Variants in NUP98 observed in about 807,000 individuals in gnomAD.
NUP98 encodes nucleoporin 98 and 96 precursor, also known as nuclear pore complex protein Nup98-Nup96.
A neutral mutation model predicts 191.9 loss-of-function variants in NUP98; 26 were observed. That is an observed-to-expected ratio of 0.14 (90% CI 0.10 to 0.19). NUP98 has a LOEUF of 0.19. Ranked by LOEUF, NUP98 falls within the 10% of genes least tolerant of loss-of-function variation. NUP98 has a pLI of 1.00. For synonymous variants in NUP98, 808 were observed against 778.4 expected (o/e 1.04, Z -0.63); for missense variants, 1,941 against 2,178.8 (o/e 0.89, Z 2.17).
chr11:3,759,792 A>C (rs1445390445), intron 10 of NUP98, among the ~76,000 whole-genome samples: 1 of 152,062 alleles, frequency 6.6e-6, no homozygotes, highest in East Asian at 1.9e-4. Context: ...ACTACTGAAT[A>C]ATCCCCCAAA....
intron 9 of NUP98, among the ~76,000 whole-genome samples, chr11:3,762,162 T>C (rs2081194619): frequency 6.6e-6 from 1 of 152,066 alleles, no homozygotes; most frequent in African/African-American, 2.4e-5. Context: ...CAGGCTAGAG[T>C]GCAATAGCGC....
chr11:3,728,822 G>A (rs765585427), intron 14 of NUP98, among the ~76,000 whole-genome samples: 1 of 152,204 alleles, frequency 6.6e-6, no homozygotes, highest in Non-Finnish European at 1.5e-5. Context: ...GTGGTGGCTT[G>A]CACTAGGGTA....
Position 3,676,609 on chromosome 11 carries a change from T to C in NUP98, c.5085A>G (p.Ser1695=). 1.2e-6 allele frequency: 2 copies of C among 1,612,650 alleles called. No individual in the cohort carries two copies. Among genetic ancestry groups the C allele is most frequent in the Non-Finnish European group, 1.7e-6 (2 of 1,178,622 alleles). Residue 1695 remains serine (S), a synonymous_variant, in exon 32 of 33, where the codon TCA becomes TCG. Transcript: ENST00000324932. ...MLRHIQQVDC[S]GNDLEQLHIK... is the part of the protein sequence containing the mutation. ...TGTGTAACTGCTCCAGGTCATTACC[T>C]GAGCAATCCACCTACAAAGAAGCAG...
intron 2 of NUP98, 48 bp from the exon 3 acceptor site, chr11:3,779,305 C>A: frequency 2.2e-6 from 3 of 1,354,156 alleles, no homozygotes; most frequent in Non-Finnish European, 3.2e-6. Flanking sequence ...ATAAAATCTA[C>A]GTAAGATGAC....
At chr11:3,694,216 C>T (rs1564812101) in intron 26 of NUP98, among the ~76,000 whole-genome samples, 1 of 151,638 alleles carries the variant, frequency 6.6e-6, no homozygotes, top group Non-Finnish European at 1.5e-5. Flanking sequence ...ACTAAAAATA[C>T]AAAAATTAGC....
intron 1 of NUP98, among the ~76,000 whole-genome samples, chr11:3,792,185 A>C (rs2133990640): frequency 1.3e-5 from 1 of 77,802 alleles, no homozygotes; most frequent in African/African-American, 7.4e-5. Flanking sequence ...TCTCAAAAAA[A>C]AAAAAAAAAA....
At chr11:3,757,470 G>A (rs980803052) in intron 10 of NUP98, among the ~76,000 whole-genome samples, 6 of 150,500 alleles carry the variant, frequency 4.0e-5, no homozygotes, top group Non-Finnish European at 1.5e-5. Context: ...CTGGGAGACA[G>A]AGATCCTGTC....
chr11:3,739,889 G>A (rs1362777354), intron 12 of NUP98, among the ~76,000 whole-genome samples: 1 of 152,152 alleles, frequency 6.6e-6, no homozygotes, highest in African/African-American at 2.4e-5. Context: ...CCACCCCTGA[G>A]AGAGCAAGAC....
chr11:3,775,327 C>T (rs1274158020), intron 5 of NUP98, among the ~76,000 whole-genome samples: 2 of 152,006 alleles, frequency 1.3e-5, no homozygotes, highest in East Asian at 1.9e-4. Context: ...GTCAGCAGTT[C>T]GAGACCAGCC....
chr11:3,676,509 C>T lies in NUP98; in HGVS notation c.5185G>A (p.Asp1729Asn), dbSNP rs774427808. 2 of 1,613,514 alleles carry T rather than the reference C, an allele frequency of 1.2e-6. No individual in the cohort carries two copies. The highest frequency in any genetic ancestry group is 2.7e-5 in the African/African-American group (2 of 74,904). ...AAGAGTGAGGAGGTTAGAGGCTTAC[C>T]TGACTGAGCCAGGCGATCTTTAGCA... ...YSAKDRLAQS[D>N]MAKRVANLLR... Residue 1729 changes from aspartate (D) to asparagine (N), a missense_variant and splice_region_variant, in exon 32 of 33, where the codon GAC becomes AAC. Physicochemically the swap from Asp to Asn is conservative, Grantham distance 23. Transcript: ENST00000324932.
intron 12 of NUP98, among the ~76,000 whole-genome samples, chr11:3,740,604 T>C (rs146458513): frequency 6.6e-6 from 1 of 151,956 alleles, no homozygotes; most frequent in East Asian, 1.9e-4. Context: ...GGTCAAAGTA[T>C]GCCTTTCTCT....
intron 28 of NUP98, among the ~76,000 whole-genome samples, chr11:3,689,308 C>T (rs1325104646): frequency 6.6e-6 from 1 of 152,036 alleles, no homozygotes; most frequent in African/African-American, 2.4e-5. Flanking sequence ...GGGCAGATCA[C>T]GAGGTCAGGA....
intron 13 of NUP98, among the ~76,000 whole-genome samples, chr11:3,733,872 A>G (rs1377125620): frequency 6.6e-6 from 1 of 152,182 alleles, no homozygotes; most frequent in Non-Finnish European, 1.5e-5. Context: ...TATCCTCAGC[A>G]CTTAACAACA....
At chr11:3,772,231 C>T (rs1048814495) in intron 6 of NUP98, among the ~76,000 whole-genome samples, 1 of 151,968 alleles carries the variant, frequency 6.6e-6, no homozygotes, top group African/African-American at 2.4e-5. Flanking sequence ...TCTCCCCAGC[C>T]CTAAAATATA....
chr11:3,709,491 C>T (rs1399688248), intron 20 of NUP98, among the ~76,000 whole-genome samples: 3 of 151,844 alleles, frequency 2.0e-5, no homozygotes, highest in African/African-American at 4.8e-5. Context: ...ACTCATTCGG[C>T]CAAGAATCTG....
rs144936005 is a variant in NUP98 at position 3,746,294 on chromosome 11, A to AAAAAAAAAG, written c.1268-1646_1268-1645insCTTTTTTTT. On this transcript the variant is annotated intron_variant, in intron 11 of 32. Coordinates refer to ENST00000324932, the MANE Select transcript of NUP98 (RefSeq NM_016320.5). Reference sequence around the variant, plus strand: ...CAAAAAAAAAAAAAAAAAAAAAAAAAGACAGCTTTGGGACAAAGAATAAGA... The same window carrying AAAAAAAAAG: ...CAAAAAAAAAAAAAAAAAAAAAAAAAAAAAAAAAGGACAGCTTTGGGACAAAGAATAAGA... Among the ~76,000 whole-genome samples, 156 of 93,026 alleles carry AAAAAAAAAG rather than the reference A, an allele frequency of 1.7e-3. 27 individuals carry two copies. The highest frequency in any genetic ancestry group is 5.5e-3 in the African/African-American group (109 of 19,928). 61.0% of individuals were successfully genotyped at this position (93,026 alleles called of 152,430 possible).
chr11:3,721,923 T>G (rs1589806596), intron 16 of NUP98, among the ~76,000 whole-genome samples: 1 of 151,994 alleles, frequency 6.6e-6, no homozygotes, highest in Non-Finnish European at 1.5e-5. Context: ...CAGACCAAAC[T>G]CCAGCCTCCA....
intron 13 of NUP98, among the ~76,000 whole-genome samples, chr11:3,734,624 G>A (rs760140456): frequency 2.0e-5 from 3 of 152,218 alleles, no homozygotes; most frequent in Non-Finnish European, 2.9e-5. Context: ...CACCATGTGA[G>A]TAAAAGATCA....
chr11:3,714,422 C>T (rs1024398511), intron 18 of NUP98, among the ~76,000 whole-genome samples: 1 of 152,112 alleles, frequency 6.6e-6, no homozygotes. Flanking sequence ...TCAGGAATAT[C>T]GGTATGAAGA....
Sources: gnomAD v4.1 joint callset for allele counts (sites outside exome capture counted in the v4.1 genomes callset) on GRCh38, gnomAD v4.1.1 for gene constraint, MANE v1.5 for transcripts, NCBI Gene and HGNC (gene_info 2026-07-23, HGNC 2026-07-21) for gene names.